SOBP: variants seen among roughly 807,000 people sequenced by gnomAD.
SOBP encodes the protein sine oculis binding protein homolog, also known as sine oculis-binding protein homolog.
SOBP carries 4 observed loss-of-function variants against 53.6 expected under a neutral mutation model. The ratio of observed to expected loss-of-function variants is 0.07; its 90% CI spans 0.04 to 0.17. The LOEUF (loss-of-function observed/expected upper bound fraction) is 0.17, where lower values mean the gene tolerates loss of function less well. Ranked by LOEUF, SOBP falls within the 10% of genes least tolerant of loss-of-function variation. SOBP has a pLI of 1.00. For synonymous variants in SOBP, 584 were observed against 522.6 expected (o/e 1.12, Z -1.60); for missense variants, 1,088 against 1,204.7 (o/e 0.90, Z 1.43).
chr6:107,589,134 T>G (rs1458374654), intron 5 of SOBP, among the ~76,000 whole-genome samples: 1 of 152,224 alleles, frequency 6.6e-6, no homozygotes, highest in African/African-American at 2.4e-5. Context: ...CAGAGAAGAT[T>G]GCAAGCTCCA....
intron 4 of SOBP, among the ~76,000 whole-genome samples, chr6:107,561,660 A>G (rs866831018): frequency 2.7e-4 from 41 of 152,340 alleles, no homozygotes; most frequent in South Asian, 1.5e-3. Context: ...ATTCCTTGTC[A>G]GGTGAAGAAG....
At chr6:107,593,725 C>T (rs1189476467) in intron 5 of SOBP, among the ~76,000 whole-genome samples, 2 of 152,160 alleles carry the variant, frequency 1.3e-5, no homozygotes. Context: ...AGCTCAACAA[C>T]CAGTAGTCTT....
At chr6:107,549,149 C>A (rs866382227) in intron 4 of SOBP, among the ~76,000 whole-genome samples, 21 of 152,124 alleles carry the variant, frequency 1.4e-4, no homozygotes, top group African/African-American at 4.8e-4. Flanking sequence ...TGCCTGTAGT[C>A]CCAGCTACTC....
chr6:107,513,544 A>G (rs948241842), intron 3 of SOBP, among the ~76,000 whole-genome samples: 8 of 152,170 alleles, frequency 5.3e-5, no homozygotes, highest in Non-Finnish European at 7.3e-5. Context: ...CTGTTATTCA[A>G]TATTCTTGGG....
At chr6:107,577,625 T>C (rs1785270545) in intron 4 of SOBP, among the ~76,000 whole-genome samples, 1 of 152,216 alleles carries the variant, frequency 6.6e-6, no homozygotes, top group African/African-American at 2.4e-5. Context: ...AAAAATTGTA[T>C]CATAATATTG....
At chr6:107,579,568 A>T (rs1370540326) in intron 4 of SOBP, among the ~76,000 whole-genome samples, 1 of 152,150 alleles carries the variant, frequency 6.6e-6, no homozygotes, top group Non-Finnish European at 1.5e-5. Context: ...CTGATGTGGA[A>T]TCTGTTGCCA....
intron 5 of SOBP, among the ~76,000 whole-genome samples, chr6:107,615,479 T>G (rs1462074851): frequency 6.6e-6 from 1 of 152,110 alleles, no homozygotes; most frequent in Non-Finnish European, 1.5e-5. Flanking sequence ...TGGGGCAAAA[T>G]GAGAGGGCTT....
chr6:107,594,874 G>A (rs1173408231), intron 5 of SOBP, among the ~76,000 whole-genome samples: 1 of 152,244 alleles, frequency 6.6e-6, no homozygotes, highest in East Asian at 1.9e-4. Context: ...AGGAGGCCCA[G>A]TGAGCAGGCA....
chr6:107,628,319 T>C (rs1770551449), intron 5 of SOBP, among the ~76,000 whole-genome samples: 1 of 152,152 alleles, frequency 6.6e-6, no homozygotes, highest in South Asian at 2.1e-4. Flanking sequence ...GTGGGCTGGT[T>C]CCTTGTCCCT....
At chr6:107,514,041 A>G (rs150603848) in intron 3 of SOBP, 1,921 of 152,758 alleles carry the variant, frequency 0.013, 16 homozygotes, top group Middle Eastern at 0.037. Flanking sequence ...ATTTGAACCT[A>G]TACATTATGT....
At chr6:107,494,495 A>G (rs1481426951) in intron 1 of SOBP, among the ~76,000 whole-genome samples, 1 of 152,246 alleles carries the variant, frequency 6.6e-6, no homozygotes, top group Admixed American at 6.5e-5. Flanking sequence ...CTACCAAACA[A>G]CAATACAACT....
At chr6:107,587,679 C>G (rs1468512121) in intron 5 of SOBP, among the ~76,000 whole-genome samples, 1 of 152,118 alleles carries the variant, frequency 6.6e-6, no homozygotes, top group Non-Finnish European at 1.5e-5. Flanking sequence ...CAGAAGGAGT[C>G]AAAGCAGTGA....
intron 5 of SOBP, among the ~76,000 whole-genome samples, chr6:107,611,632 T>C (rs1786603201): frequency 6.6e-6 from 1 of 152,172 alleles, no homozygotes; most frequent in Admixed American, 6.5e-5. Context: ...CCCGTGTTGT[T>C]GCCATGACTA....
chr6:107,550,986 G>A (rs1462722468), intron 4 of SOBP, among the ~76,000 whole-genome samples: 1 of 152,210 alleles, frequency 6.6e-6, no homozygotes, highest in Non-Finnish European at 1.5e-5. Context: ...CTAACAGACA[G>A]GGCTCAGGGC....
At chr6:107,548,607 C>T (rs1266909272) in intron 4 of SOBP, among the ~76,000 whole-genome samples, 1 of 152,070 alleles carries the variant, frequency 6.6e-6, no homozygotes, top group African/African-American at 2.4e-5. Context: ...AGAATATTGA[C>T]CTCCCAAATT....
At chr6:107,533,689 G>A in intron 4 of SOBP, 79 bp downstream of exon 4, 1 of 1,553,236 alleles carries the variant, frequency 6.4e-7, no homozygotes, top group East Asian at 2.2e-5. Flanking sequence ...GCTTCTAGCG[G>A]AAAACACTGC....
chr6:107,635,580 T>A lies in SOBP; in HGVS notation c.*3+111T>A. On this transcript the variant is annotated intron_variant, in intron 6 of 6. Coordinates refer to ENST00000317357, the MANE Select transcript of SOBP (RefSeq NM_018013.4). The surrounding 1 kb of genome is among the most constrained non-coding windows in gnomAD (Gnocchi z 4.5). ...TAGTCATGATTTTACCGTGTGTGTT[T>A]TATATTGCACACGGTGTGGTCACGC... 1 of 1,436,030 alleles carries A rather than the reference T, an allele frequency of 7.0e-7. No individual in the cohort carries two copies. Among genetic ancestry groups the A allele is most frequent in the Non-Finnish European group, 9.6e-7 (1 of 1,037,872 alleles). 89.0% of individuals were successfully genotyped at this position (1,436,030 alleles called of 1,614,324 possible).
intron 1 of SOBP, among the ~76,000 whole-genome samples, chr6:107,497,535 C>A (rs76646094): frequency 0.043 from 6,469 of 151,864 alleles, 264 homozygotes; most frequent in African/African-American, 0.1. Flanking sequence ...TGTAATTTTC[C>A]CACCCAGACG....
intron 5 of SOBP, among the ~76,000 whole-genome samples, chr6:107,625,044 G>A (rs1402675607): frequency 1.3e-5 from 2 of 152,198 alleles, no homozygotes; most frequent in Non-Finnish European, 2.9e-5. Context: ...TCTTGAGCAA[G>A]TTATTTAACC....
Sources: allele counts gnomAD v4.1 joint callset (sites outside exome capture counted in the v4.1 genomes callset), GRCh38; gene constraint gnomAD v4.1.1; non-coding constraint Gnocchi (gnomAD v3.1); transcripts MANE v1.5; gene names NCBI Gene and HGNC (gene_info 2026-07-23, HGNC 2026-07-21).